CFAP20DC: variants seen among roughly 807,000 people sequenced by gnomAD.
CFAP20DC encodes the protein CFAP20 domain containing.
In CFAP20DC, 84 loss-of-function variants were observed where a neutral mutation model predicts 101.7. The observed-to-expected ratio is 0.83, with a 90% CI of 0.69 to 0.99. The LOEUF (loss-of-function observed/expected upper bound fraction) is 0.99, where lower values mean the gene tolerates loss of function less well. CFAP20DC is among the 50% of genes least tolerant of loss of function. The pLI, the probability that CFAP20DC is intolerant of heterozygous loss-of-function variation, is 0.00. For synonymous variants in CFAP20DC, 359 were observed against 351.2 expected (o/e 1.02, Z -0.25); for missense variants, 1,007 against 970.3 (o/e 1.04, Z -0.50).
intron 16 of CFAP20DC, among the ~76,000 whole-genome samples, chr3:58,745,299 T>A (rs1289584948): frequency 6.6e-6 from 1 of 152,218 alleles, no homozygotes; most frequent in Non-Finnish European, 1.5e-5. Context: ...TAAAGTTAGT[T>A]TATCAATTAG....
In CFAP20DC at chr3:58,763,816, T is replaced by A. The variant is rs375944865; in HGVS notation, c.2238-9953A>T. ...GCTGGAGGTGCACTCCAGACCCTGTTTGCCTGGGTATCAGCAGCGGAGGCT... is the reference window on the plus strand; with the variant it reads ...GCTGGAGGTGCACTCCAGACCCTGTATGCCTGGGTATCAGCAGCGGAGGCT... On this transcript the variant is annotated intron_variant, in intron 15 of 16. Coordinates refer to ENST00000482387, the MANE Select transcript of CFAP20DC (RefSeq NM_001394063.1). 1.8e-4 allele frequency among the ~76,000 whole-genome samples: 27 copies of A among 152,316 alleles called. No homozygotes were observed. In the East Asian group the frequency reaches 3.7e-3, roughly 21 times the overall value.
Position 58,722,341 on chromosome 3 carries a change from T to C in CFAP20DC, c.198-4713A>G, listed in dbSNP as rs115700554. Among the ~76,000 whole-genome samples, 507 of 152,254 alleles carry C rather than the reference T, an allele frequency of 3.3e-3. No homozygotes were observed. The highest frequency in any genetic ancestry group is 0.012 in the African/African-American group (492 of 41,568). On this transcript the variant is annotated intron_variant, in intron 3 of 3. Transcript: ENST00000486145. This position sits in a 1 kb window ranked among gnomAD's most constrained non-coding sequence, Gnocchi z 4.5. ...GGAACCCATGCGTGTACTACTATGG[T>C]AGTGGTCTTATATCACTCAAGTTTG...
At chr3:58,905,389 A>C (rs1486111843) in intron 6 of CFAP20DC, among the ~76,000 whole-genome samples, 2 of 152,198 alleles carry the variant, frequency 1.3e-5, no homozygotes, top group Middle Eastern at 3.2e-3. Context: ...TTAATCAATA[A>C]TTCAGTCATA....
Position 59,027,366 on chromosome 3 carries a change from G to A in CFAP20DC, c.278+12191C>T, listed in dbSNP as rs141758088. ...ACAGCTAAGGGCTCAACACATGAAAGCTTGTACATAGCAATAATATTCTCC... is the reference window on the plus strand; with the variant it reads ...ACAGCTAAGGGCTCAACACATGAAAACTTGTACATAGCAATAATATTCTCC... On this transcript the variant is annotated intron_variant, in intron 4 of 16. Coordinates refer to ENST00000482387, the MANE Select transcript of CFAP20DC (RefSeq NM_001394063.1). Among the ~76,000 whole-genome samples, 1,453 of 152,252 alleles carry A rather than the reference G, an allele frequency of 9.5e-3. 13 individuals are homozygous for A. Among genetic ancestry groups the A allele is most frequent in the Non-Finnish European group, 0.014 (952 of 68,018 alleles).
At chr3:58,890,650 G>A (rs2082132008) in intron 6 of CFAP20DC, among the ~76,000 whole-genome samples, 1 of 151,004 alleles carries the variant, frequency 6.6e-6, no homozygotes, top group Non-Finnish European at 1.5e-5. Flanking sequence ...GCTGGGCGGA[G>A]GGGCTCCTCT....
chr3:58,733,652 G>GA (rs1273476128), intron 3 of CFAP20DC, among the ~76,000 whole-genome samples: 1 of 152,154 alleles, frequency 6.6e-6, no homozygotes, highest in Non-Finnish European at 1.5e-5. Context: ...ATTTATAGTG[G>GA]AGTCAATTAT....
chr3:58,751,867 A>ACACACACACACACACACACAC (rs1553645550), intron 16 of CFAP20DC, among the ~76,000 whole-genome samples: 1,477 of 136,190 alleles, frequency 0.011, 18 homozygotes, highest in African/African-American at 0.035. Context: ...ACACACACAC[A>ACACACACACACACACACACAC]AAATTTCCTC....
At chr3:58,924,693 A>G (rs1333328631) in intron 5 of CFAP20DC, among the ~76,000 whole-genome samples, 1 of 152,162 alleles carries the variant, frequency 6.6e-6, no homozygotes, top group Non-Finnish European at 1.5e-5. Context: ...ATTCCTACCA[A>G]CAGTGTATAA....
intron 5 of CFAP20DC, among the ~76,000 whole-genome samples, chr3:58,922,526 A>C (rs1182005128): frequency 6.6e-6 from 1 of 152,148 alleles, no homozygotes; most frequent in African/African-American, 2.4e-5. Context: ...AGTTCTCATG[A>C]GAACTGGTTG....
chr3:58,877,972 G>C (rs1187226935), intron 7 of CFAP20DC, among the ~76,000 whole-genome samples: 1 of 152,120 alleles, frequency 6.6e-6, no homozygotes, highest in Non-Finnish European at 1.5e-5. Context: ...AAAGGGAGCA[G>C]GGCAAATTGA....
chr3:58,834,079 T>G (rs2076577136), intron 13 of CFAP20DC, among the ~76,000 whole-genome samples: 1 of 152,194 alleles, frequency 6.6e-6, no homozygotes, highest in South Asian at 2.1e-4. Context: ...GGTGCATGTT[T>G]TCCTTTTGGA....
chr3:58,734,439 A>C (rs2067706119), intron 3 of CFAP20DC: 3 of 417,500 alleles, frequency 7.2e-6, no homozygotes, highest in South Asian at 5.1e-5. Flanking sequence ...CTTAAATAAT[A>C]ATCACACCAG....
intron 4 of CFAP20DC, among the ~76,000 whole-genome samples, chr3:58,980,657 G>C (rs982822179): frequency 6.6e-6 from 1 of 152,044 alleles, no homozygotes; most frequent in Non-Finnish European, 1.5e-5. Flanking sequence ...ATTCAACAAT[G>C]CTTCATGCTA....
chr3:58,889,705 C>T (rs1289166114), intron 6 of CFAP20DC, among the ~76,000 whole-genome samples: 4 of 135,320 alleles, frequency 3.0e-5, no homozygotes, highest in East Asian at 2.1e-4. Context: ...TGCGGCCTTC[C>T]GCAGTGTTTG....
chr3:59,023,305 T>C (rs539250349), intron 4 of CFAP20DC, among the ~76,000 whole-genome samples: 6 of 152,248 alleles, frequency 3.9e-5, no homozygotes, highest in South Asian at 2.1e-4. Context: ...GTACGGATTA[T>C]ACTGATGACA....
At chr3:58,838,395 G>T (rs766070758) in intron 13 of CFAP20DC, among the ~76,000 whole-genome samples, 1 of 152,032 alleles carries the variant, frequency 6.6e-6, no homozygotes, top group Non-Finnish European at 1.5e-5. Flanking sequence ...TTTAGCATGC[G>T]ACCCTGAAGA....
Position 59,008,476 on chromosome 3 carries a change from T to C in CFAP20DC, c.278+31081A>G, listed in dbSNP as rs546924466. Among the ~76,000 whole-genome samples the C allele has an allele frequency of 7.9e-5, 12 of 152,244 alleles. No homozygotes were observed. The East Asian group carries it at 1.3e-3, about 17-fold the overall frequency. Reference sequence around the variant, plus strand: ...CGCTATTGACTTGAAGCCTGAACGATAGACTGGATTAAGAAAATGTGGCAC... The same window carrying C: ...CGCTATTGACTTGAAGCCTGAACGACAGACTGGATTAAGAAAATGTGGCAC... On this transcript the variant is annotated intron_variant, in intron 4 of 16. Transcript: ENST00000482387.
chr3:58,718,223 C>G (rs1294539287), intron 3 of CFAP20DC, among the ~76,000 whole-genome samples: 1 of 152,168 alleles, frequency 6.6e-6, no homozygotes, highest in Non-Finnish European at 1.5e-5. Context: ...AGGAAAATGC[C>G]ACTTCTTTTA....
At chr3:59,027,206 T>G (rs1302993313) in intron 4 of CFAP20DC, among the ~76,000 whole-genome samples, 1 of 152,234 alleles carries the variant, frequency 6.6e-6, no homozygotes, top group Non-Finnish European at 1.5e-5. Flanking sequence ...TTCAGAATAC[T>G]GCTATGCAAG....
Sources: gnomAD v4.1 joint callset for allele counts (sites outside exome capture counted in the v4.1 genomes callset) on GRCh38, gnomAD v4.1.1 for gene constraint, Gnocchi (gnomAD v3.1) non-coding constraint, MANE v1.5 for transcripts, NCBI Gene and HGNC (gene_info 2026-07-23, HGNC 2026-07-21) for gene names.